Variants in NKAIN2 observed in about 807,000 individuals in gnomAD.
The protein encoded by NKAIN2 is sodium/potassium transporting ATPase interacting 2.
A neutral mutation model predicts 32.6 loss-of-function variants in NKAIN2; 14 were observed. The ratio of observed to expected loss-of-function variants is 0.43; its 90% CI spans 0.28 to 0.67. NKAIN2 has a LOEUF of 0.67. Among genes scored for constraint, NKAIN2 ranks in the 30% least tolerant of loss-of-function variants. The pLI is 0.17. For missense variants in NKAIN2, 198 were observed against 258.3 expected (o/e 0.77, Z 1.60); for synonymous variants, 80 against 87.2 (o/e 0.92, Z 0.46).
At chr6:124,227,097 A>AG (rs1255424818) in intron 1 of NKAIN2, among the ~76,000 whole-genome samples, 2 of 150,782 alleles carry the variant, frequency 1.3e-5, no homozygotes, top group Non-Finnish European at 3.0e-5. Flanking sequence ...CAAAAAAAAA[A>AG]AAGAAAAAGT....
chr6:124,638,844 T>C (rs1348532941), intron 3 of NKAIN2, among the ~76,000 whole-genome samples: 16 of 133,700 alleles, frequency 1.2e-4, no homozygotes, highest in Non-Finnish European at 2.1e-4. Context: ...TGAGCTGAGA[T>C]TGCACCACTG....
At chr6:124,544,572 C>A (rs1360201235) in intron 3 of NKAIN2, among the ~76,000 whole-genome samples, 1 of 151,296 alleles carries the variant, frequency 6.6e-6, no homozygotes, top group Admixed American at 6.6e-5. Flanking sequence ...CAGAGGTTAA[C>A]AAAGAGCAGA....
chr6:124,366,468 G>A (rs1799522162), intron 3 of NKAIN2, among the ~76,000 whole-genome samples: 1 of 151,618 alleles, frequency 6.6e-6, no homozygotes, highest in Non-Finnish European at 1.5e-5. Flanking sequence ...AAACCATTTT[G>A]TGTTCACATG....
At chr6:124,068,359 A>G (rs1447253989) in intron 1 of NKAIN2, among the ~76,000 whole-genome samples, 2 of 152,140 alleles carry the variant, frequency 1.3e-5, no homozygotes, top group Admixed American at 6.6e-5. Flanking sequence ...AAGACATAAA[A>G]TAATCTAGGC....
chr6:124,451,982 T>C (rs558166440), intron 3 of NKAIN2, among the ~76,000 whole-genome samples: 2 of 152,012 alleles, frequency 1.3e-5, no homozygotes, highest in African/African-American at 4.8e-5. Context: ...ATCACTTGAG[T>C]CCAGGAGTTT....
At chr6:124,257,280 G>A (rs1470094546) in intron 1 of NKAIN2, among the ~76,000 whole-genome samples, 2 of 152,050 alleles carry the variant, frequency 1.3e-5, no homozygotes, top group Non-Finnish European at 2.9e-5. Context: ...ATGCACCTTT[G>A]AAAATGCTCC....
chr6:124,533,155 C>T (rs183739436), intron 3 of NKAIN2, among the ~76,000 whole-genome samples: 309 of 152,178 alleles, frequency 2.0e-3, no homozygotes, highest in African/African-American at 7.2e-3. Flanking sequence ...GTAGTTACCA[C>T]GTTTACTTGG....
intron 2 of NKAIN2, among the ~76,000 whole-genome samples, chr6:124,355,065 G>T: frequency 3.1e-5 from 4 of 127,690 alleles, no homozygotes; most frequent in Admixed American, 1.8e-4. Flanking sequence ...GTGCGACTTT[G>T]TCATTAAAAA....
chr6:123,988,197 G>T (rs1439081298), intron 1 of NKAIN2, among the ~76,000 whole-genome samples: 1 of 152,092 alleles, frequency 6.6e-6, no homozygotes, highest in Non-Finnish European at 1.5e-5. Context: ...TAAACCTTTT[G>T]CATATGACTT....
intron 1 of NKAIN2, among the ~76,000 whole-genome samples, chr6:124,063,990 G>A (rs750127303): frequency 8.8e-4 from 131 of 148,980 alleles, no homozygotes; most frequent in African/African-American, 2.9e-3. Flanking sequence ...TCACTCTGTC[G>A]CCCAGGCTGG....
intron 1 of NKAIN2, among the ~76,000 whole-genome samples, chr6:124,022,847 G>A (rs995558225): frequency 6.6e-6 from 1 of 151,888 alleles, no homozygotes; most frequent in Non-Finnish European, 1.5e-5. Flanking sequence ...TGAATTCCTG[G>A]GAGCAATGGG....
At chr6:124,106,947 G>A (rs2114961372) in intron 1 of NKAIN2, among the ~76,000 whole-genome samples, 1 of 152,270 alleles carries the variant, frequency 6.6e-6, no homozygotes, top group Non-Finnish European at 1.5e-5. Context: ...ATTAGAGATA[G>A]GCACTGTATA....
chr6:123,849,813 T>G (rs1582646147), intron 1 of NKAIN2, among the ~76,000 whole-genome samples: 1 of 152,144 alleles, frequency 6.6e-6, no homozygotes, highest in Admixed American at 6.5e-5. Flanking sequence ...CTAATTCTTA[T>G]AATACCTTAT....
chr6:123,961,263 C>A (rs1341232847), intron 1 of NKAIN2, among the ~76,000 whole-genome samples: 1 of 152,026 alleles, frequency 6.6e-6, no homozygotes, highest in Non-Finnish European at 1.5e-5. Context: ...AAAAATAAGC[C>A]CTAAAACTGT....
At chr6:124,771,647 A>G (rs1204293658) in intron 4 of NKAIN2, among the ~76,000 whole-genome samples, 2 of 152,214 alleles carry the variant, frequency 1.3e-5, no homozygotes, top group Non-Finnish European at 2.9e-5. Flanking sequence ...ATTAACAGAG[A>G]TTAAATAAAT....
At chr6:124,485,661 C>G (rs1217880258) in intron 3 of NKAIN2, among the ~76,000 whole-genome samples, 1 of 152,090 alleles carries the variant, frequency 6.6e-6, no homozygotes, top group Non-Finnish European at 1.5e-5. Context: ...ATGGGGACCC[C>G]TCAGATGACC....
At chr6:124,087,597 A>G (rs568965530) in intron 1 of NKAIN2, among the ~76,000 whole-genome samples, 1 of 152,156 alleles carries the variant, frequency 6.6e-6, no homozygotes, top group South Asian at 2.1e-4. Context: ...GTAGATATAC[A>G]TGTGTGTAGA....
intron 2 of NKAIN2, among the ~76,000 whole-genome samples, chr6:124,344,839 G>A (rs1182141731): frequency 6.6e-6 from 1 of 152,112 alleles, no homozygotes; most frequent in South Asian, 2.1e-4. Flanking sequence ...TCTACTGCCT[G>A]ATTGCCCTGG....
intron 1 of NKAIN2, among the ~76,000 whole-genome samples, chr6:124,033,065 C>A (rs1781472421): frequency 6.6e-6 from 1 of 151,956 alleles, no homozygotes. Flanking sequence ...AAATGCTGAG[C>A]CAGAGGAAAG....
Sources: gnomAD v4.1 joint callset for allele counts (sites outside exome capture counted in the v4.1 genomes callset) on GRCh38, gnomAD v4.1.1 for gene constraint, MANE v1.5 for transcripts, NCBI Gene and HGNC (gene_info 2026-07-23, HGNC 2026-07-21) for gene names.